LRRTM4: variants seen among roughly 807,000 people sequenced by gnomAD.
LRRTM4 encodes the protein leucine rich repeat transmembrane neuronal 4.
In LRRTM4, 25 loss-of-function variants were observed where a neutral mutation model predicts 47.6. The observed-to-expected ratio is 0.53, with a 90% CI of 0.38 to 0.73. LRRTM4 has a LOEUF of 0.73. LRRTM4 is among the 30% of genes least tolerant of loss of function. The probability of loss-of-function intolerance (pLI) is 0.00; values close to 1 mark genes in which losing one functional copy is unlikely to be tolerated. For synonymous variants in LRRTM4, 311 were observed against 269.5 expected, an observed-to-expected ratio of 1.15 and a Z score of -1.51; for missense variants, 638 against 713.4, an observed-to-expected ratio of 0.89 and a Z score of 1.20.
At position 77,276,320 on chromosome 2, in the gene LRRTM4, AGAAGGAAGGAAG is replaced by A. The variant is rs200577315; in HGVS notation, c.1551+241986_1551+241997del. 1.3e-4 allele frequency among the ~76,000 whole-genome samples: 19 copies of A among 142,508 alleles called. No homozygotes were observed. The East Asian group carries it at 3.8e-3, about 29-fold the overall frequency. 93.5% of individuals were successfully genotyped at this position (142,508 alleles called of 152,430 possible). ...AGCAAGTGAGAATGAAAGGAAGAGA[AGAAGGAAGGAAG>A]GAAGGAAGGAAGGAAAAAAGGAAGG... On this transcript the variant is annotated intron_variant, in intron 3 of 3. Coordinates refer to ENST00000409884, the MANE Select transcript of LRRTM4 (RefSeq NM_001134745.3).
At chr2:76,974,133 T>C (rs531280315) in intron 3 of LRRTM4, among the ~76,000 whole-genome samples, 6 of 121,294 alleles carry the variant, frequency 4.9e-5, no homozygotes, top group African/African-American at 8.3e-5. Flanking sequence ...CATTTGCTCA[T>C]ATATATACAT....
chr2:76,929,245 G>T (rs1024586059), intron 3 of LRRTM4, among the ~76,000 whole-genome samples: 1 of 152,090 alleles, frequency 6.6e-6, no homozygotes, highest in African/African-American at 2.4e-5. Context: ...GCTTTGTTTT[G>T]TTTCTTTGTG....
chr2:76,960,442 T>G (rs1675818112), intron 3 of LRRTM4, among the ~76,000 whole-genome samples: 1 of 151,686 alleles, frequency 6.6e-6, no homozygotes, highest in Non-Finnish European at 1.5e-5. Flanking sequence ...TTTTTCTATA[T>G]AAAGGAACAT....
In LRRTM4 at chr2:76,936,334, A is replaced by G. The variant is rs531329005; in HGVS notation, c.1552-187418T>C. Reference sequence around the variant, plus strand: ...ACCATCATTCTCAGCAAACTATCACAAAACAAAAAACCAAACACCACATGT... The same window carrying G: ...ACCATCATTCTCAGCAAACTATCACGAAACAAAAAACCAAACACCACATGT... On this transcript the variant is annotated intron_variant, in intron 3 of 3. Transcript: ENST00000409884. Among the ~76,000 whole-genome samples the G allele has an allele frequency of 2.6e-5, 4 of 152,080 alleles. No homozygotes were observed. In the South Asian group the frequency reaches 8.3e-4, roughly 32 times the overall value.
At chr2:76,905,520 GAGA>G (rs1673799000) in intron 3 of LRRTM4, among the ~76,000 whole-genome samples, 1 of 152,128 alleles carries the variant, frequency 6.6e-6, no homozygotes, top group African/African-American at 2.4e-5. Flanking sequence ...GACGAGTTGA[GAGA>G]AGAAGGCTTC....
intron 3 of LRRTM4, among the ~76,000 whole-genome samples, chr2:77,166,866 T>C (rs1672901241): frequency 6.6e-6 from 1 of 152,096 alleles, no homozygotes; most frequent in African/African-American, 2.4e-5. Flanking sequence ...GAAGAAAACC[T>C]AGGCAATACC....
chr2:77,159,384 A>T (rs928394574), intron 3 of LRRTM4, among the ~76,000 whole-genome samples: 2 of 152,034 alleles, frequency 1.3e-5, no homozygotes, highest in African/African-American at 4.8e-5. Flanking sequence ...GGTTGGGGAG[A>T]GGGAGGAGGG....
intron 3 of LRRTM4, among the ~76,000 whole-genome samples, chr2:77,380,074 G>C (rs1196029974): frequency 6.6e-6 from 1 of 152,076 alleles, no homozygotes; most frequent in East Asian, 1.9e-4. Context: ...ATAGTATATA[G>C]ATTTTCTTAT....
chr2:77,350,532 T>C (rs77913866), intron 3 of LRRTM4, among the ~76,000 whole-genome samples: 2,966 of 151,868 alleles, frequency 0.02, 106 homozygotes, highest in African/African-American at 0.067. Flanking sequence ...AGACTTGAAA[T>C]CCAAAAATCT....
chr2:76,994,087 C>G (rs1219950818), intron 3 of LRRTM4, among the ~76,000 whole-genome samples: 1 of 151,704 alleles, frequency 6.6e-6, no homozygotes, highest in Non-Finnish European at 1.5e-5. Context: ...ATGTCCACGG[C>G]AACAATAGAC....
intron 3 of LRRTM4, among the ~76,000 whole-genome samples, chr2:76,856,210 G>A (rs1672145268): frequency 6.6e-6 from 1 of 152,158 alleles, no homozygotes; most frequent in Non-Finnish European, 1.5e-5. Context: ...CCAGGAGGCA[G>A]AGGTTGCAGT....
At chr2:76,917,615 C>T (rs1674298243) in intron 3 of LRRTM4, among the ~76,000 whole-genome samples, 1 of 152,076 alleles carries the variant, frequency 6.6e-6, no homozygotes, top group Non-Finnish European at 1.5e-5. Flanking sequence ...AATTAAGCTC[C>T]AAATTCACTC....
intron 3 of LRRTM4, among the ~76,000 whole-genome samples, chr2:77,416,131 C>T (rs1212733752): frequency 1.3e-5 from 2 of 151,910 alleles, no homozygotes; most frequent in Non-Finnish European, 2.9e-5. Flanking sequence ...TTGCACTTTC[C>T]TTTTGTTTGG....
At chr2:77,042,994 T>C (rs577966411) in intron 3 of LRRTM4, among the ~76,000 whole-genome samples, 47 of 151,754 alleles carry the variant, frequency 3.1e-4, no homozygotes, top group African/African-American at 1.1e-3. Context: ...TTAGGCTCTG[T>C]CTCTGTTTCT....
At chr2:77,102,208 C>G (rs771973958) in intron 3 of LRRTM4, among the ~76,000 whole-genome samples, 1 of 152,182 alleles carries the variant, frequency 6.6e-6, no homozygotes, top group Non-Finnish European at 1.5e-5. Flanking sequence ...ACCACAACCC[C>G]GCACCCTCAT....
At chr2:77,125,923 AT>A (rs1027975455) in intron 3 of LRRTM4, among the ~76,000 whole-genome samples, 3 of 150,238 alleles carry the variant, frequency 2.0e-5, no homozygotes, top group African/African-American at 7.3e-5. Context: ...ATATATATAT[AT>A]ACTATGTATG....
intron 3 of LRRTM4, among the ~76,000 whole-genome samples, chr2:76,878,044 C>T (rs374943821): frequency 6.6e-5 from 10 of 152,052 alleles, no homozygotes; most frequent in African/African-American, 1.9e-4. Context: ...TTGAGCAACC[C>T]ATTTTTGCAA....
rs187634923 is a variant in LRRTM4, at chr2:76,930,465, G to T, written c.1552-181549C>A. ...TTTTGCACATATTGGCTCTTTTGAT[G>T]TAAGTACAATCCAACCTAGAGGCAC... On this transcript the variant is annotated intron_variant, in intron 3 of 3. Coordinates refer to ENST00000409884, the MANE Select transcript of LRRTM4 (RefSeq NM_001134745.3). Among the ~76,000 whole-genome samples the T allele has an allele frequency of 1.2e-3, 178 of 152,188 alleles. 2 individuals carry two copies. The highest frequency in any genetic ancestry group is 0.011 in the Admixed American group (173 of 15,282).
At chr2:77,089,984 AC>A (rs1680877071) in intron 3 of LRRTM4, among the ~76,000 whole-genome samples, 2 of 151,904 alleles carry the variant, frequency 1.3e-5, no homozygotes, top group South Asian at 4.2e-4. Flanking sequence ...CTCAGTACTA[AC>A]CCCAAGCATC....
Sources: allele counts gnomAD v4.1 joint callset (sites outside exome capture counted in the v4.1 genomes callset), GRCh38; gene constraint gnomAD v4.1.1; transcripts MANE v1.5; gene names NCBI Gene and HGNC (gene_info 2026-07-23, HGNC 2026-07-21).